The following SEMA3A variants were observed in gnomAD, a reference collection of about 807,000 sequenced individuals.
SEMA3A encodes semaphorin 3A, also known as semaphorin-3A.
SEMA3A carries 29 observed loss-of-function variants against 97.9 expected under a neutral mutation model. The observed-to-expected ratio is 0.30, with a 90% CI of 0.22 to 0.40. SEMA3A has a LOEUF of 0.40. Ranked by LOEUF, SEMA3A falls within the 10% of genes least tolerant of loss-of-function variation. SEMA3A has a pLI of 1.00. For missense variants in SEMA3A, 763 were observed against 951.3 expected, an observed-to-expected ratio of 0.80 and a Z score of 2.60; for synonymous variants, 321 against 323.7, an observed-to-expected ratio of 0.99 and a Z score of 0.09.
intron 4 of SEMA3A, among the ~76,000 whole-genome samples, chr7:84,109,912 CAAGG>C (rs764958052): frequency 2.0e-5 from 3 of 152,140 alleles, no homozygotes; most frequent in Non-Finnish European, 4.4e-5. Flanking sequence ...AACATCTTTA[CAAGG>C]AATAGACAGA....
intron 1 of SEMA3A, among the ~76,000 whole-genome samples, chr7:84,424,494 A>AATATATAATATATAAATATTAAT (rs1562942360): frequency 2.4e-5 from 2 of 83,538 alleles, no homozygotes; most frequent in South Asian, 8.3e-4. Flanking sequence ...ATTGATATAT[A>AATATATAATATATAAATATTAAT]ATATATAATA....
chr7:84,318,853 A>G (rs1256056298), intron 2 of SEMA3A, among the ~76,000 whole-genome samples: 1 of 152,214 alleles, frequency 6.6e-6, no homozygotes, highest in African/African-American at 2.4e-5. Context: ...CACAAATGAT[A>G]TAAAGTCACC....
chr7:84,094,629 G>A (rs77996208), intron 4 of SEMA3A, among the ~76,000 whole-genome samples: 38 of 152,056 alleles, frequency 2.5e-4, no homozygotes, highest in African/African-American at 8.7e-4. Flanking sequence ...ACTATGTTAC[G>A]TGATAGTGGA....
At chr7:84,292,842 T>C (rs1391620886) in intron 3 of SEMA3A, among the ~76,000 whole-genome samples, 2 of 152,104 alleles carry the variant, frequency 1.3e-5, no homozygotes, top group Admixed American at 1.3e-4. Flanking sequence ...ATCAATATTT[T>C]AACATATATT....
At chr7:84,054,313 A>C (rs1038336102) in intron 5 of SEMA3A, among the ~76,000 whole-genome samples, 7 of 152,238 alleles carry the variant, frequency 4.6e-5, no homozygotes, top group African/African-American at 1.7e-4. Flanking sequence ...AGTGTTTTCC[A>C]ACTTGGTTCC....
chr7:84,294,948 T>C (rs1012055699), intron 3 of SEMA3A, among the ~76,000 whole-genome samples: 5 of 152,086 alleles, frequency 3.3e-5, no homozygotes, highest in African/African-American at 4.8e-5. Flanking sequence ...AATCTGTCAG[T>C]GGAGAATGCT....
chr7:84,453,923 C>T (rs1805626209), intron 1 of SEMA3A, among the ~76,000 whole-genome samples: 2 of 152,118 alleles, frequency 1.3e-5, no homozygotes, highest in South Asian at 4.1e-4. Context: ...ATTGATACTA[C>T]AGTGATATAT....
chr7:84,249,426 A>G (rs1319027876), intron 3 of SEMA3A, among the ~76,000 whole-genome samples: 2 of 101,518 alleles, frequency 2.0e-5, no homozygotes, highest in African/African-American at 6.6e-5. Context: ...TATCATCTAC[A>G]TATATATAGA....
intron 4 of SEMA3A, among the ~76,000 whole-genome samples, chr7:84,067,373 A>G (rs1793555265): frequency 6.6e-6 from 1 of 152,194 alleles, no homozygotes; most frequent in African/African-American, 2.4e-5. Flanking sequence ...CAAGGACTTC[A>G]TGTCTAAAAC....
chr7:84,429,029 G>C (rs760075384), intron 1 of SEMA3A, among the ~76,000 whole-genome samples: 8 of 152,004 alleles, frequency 5.3e-5, no homozygotes, highest in Non-Finnish European at 1.2e-4. Flanking sequence ...TGGAAAACCA[G>C]AGCTGCTTAT....
chr7:84,150,555 C>T (rs1796612967), intron 1 of SEMA3A, among the ~76,000 whole-genome samples: 1 of 152,104 alleles, frequency 6.6e-6, no homozygotes, highest in Non-Finnish European at 1.5e-5. Context: ...CGGCGCATCA[C>T]GAGATTATAT....
chr7:84,356,972 A>C (rs980306235), intron 2 of SEMA3A, among the ~76,000 whole-genome samples: 8 of 151,906 alleles, frequency 5.3e-5, no homozygotes, highest in East Asian at 1.9e-4. Context: ...AGTTAAAAAA[A>C]AGTTGCTAGG....
intron 2 of SEMA3A, among the ~76,000 whole-genome samples, chr7:84,131,000 C>A (rs192170538): frequency 6.5e-4 from 98 of 151,932 alleles, no homozygotes; most frequent in African/African-American, 2.1e-3. Flanking sequence ...CTCTGTGATT[C>A]TTTTATCTAA....
Position 84,347,317 on chromosome 7 carries a change from G to A in SEMA3A, c.-169+24507C>T, listed in dbSNP as rs142720431. Among the ~76,000 whole-genome samples the A allele has an allele frequency of 5.1e-3, 777 of 151,092 alleles. 2 individuals carry two copies. The highest frequency in any genetic ancestry group is 0.024 in the Middle Eastern group (7 of 290). On this transcript the variant is annotated intron_variant, in intron 2 of 3. Coordinates refer to the SEMA3A transcript ENST00000424555. Reference sequence around the variant, plus strand: ...AAAACAAAACAAATTTCCATCAACTGATGAATAAATAAATTATGATATATT... The same window carrying A: ...AAAACAAAACAAATTTCCATCAACTAATGAATAAATAAATTATGATATATT...
intron 16 of SEMA3A, among the ~76,000 whole-genome samples, chr7:83,962,054 A>T (rs1788493825): frequency 6.6e-6 from 1 of 152,084 alleles, no homozygotes; most frequent in African/African-American, 2.4e-5. Context: ...TACTGTTTTA[A>T]TAGAATTTCT....
At chr7:84,150,971 C>G (rs997437745) in intron 1 of SEMA3A, among the ~76,000 whole-genome samples, 9 of 149,398 alleles carry the variant, frequency 6.0e-5, no homozygotes, top group East Asian at 2.0e-4. Flanking sequence ...CACCCCCCAG[C>G]AGGGGCACAC....
intron 1 of SEMA3A, among the ~76,000 whole-genome samples, chr7:84,136,597 T>C (rs73177447): frequency 0.03 from 4,583 of 152,228 alleles, 96 homozygotes; most frequent in South Asian, 0.069. Flanking sequence ...TCAGAGAGCT[T>C]CCTGTTACAT....
Position 84,221,200 on chromosome 7 carries a change from C to G in SEMA3A, c.-82-26532G>C, listed in dbSNP as rs529047738. Among the ~76,000 whole-genome samples the G allele has an allele frequency of 2.6e-5, 4 of 152,224 alleles. No homozygotes were observed. The South Asian group carries it at 6.2e-4, about 24-fold the overall frequency. The stretch of plus-strand genomic sequence containing the variant: ...CAAACTCTGCTGGCTTCAAACTTTT[C>G]TTCTGTAGCTTCTGCACCTCTCTCA... On this transcript the variant is annotated intron_variant, in intron 3 of 3. Transcript: ENST00000424555.
chr7:84,317,307 C>G (rs585661), intron 2 of SEMA3A, among the ~76,000 whole-genome samples: 106,040 of 152,010 alleles, frequency 0.7, 37,159 homozygotes, highest in African/African-American at 0.74. Context: ...TGATTTTCTA[C>G]AGATAAAAGT....
Sources: allele counts gnomAD v4.1 joint callset (sites outside exome capture counted in the v4.1 genomes callset), GRCh38; gene constraint gnomAD v4.1.1; transcripts MANE v1.5; gene names NCBI Gene and HGNC (gene_info 2026-07-23, HGNC 2026-07-21).